Variants in C12orf42 observed in about 807,000 individuals in gnomAD.
C12orf42 encodes the protein uncharacterized protein C12orf42.
C12orf42 carries 25 observed loss-of-function variants against 21.6 expected under a neutral mutation model. The observed-to-expected ratio is 1.16, with a 90% confidence interval of 0.84 to 1.62. C12orf42 has a LOEUF of 1.62. Ranked by LOEUF, C12orf42 falls within the 40% of genes most tolerant of loss-of-function variation. C12orf42 has a pLI of 0.00. For missense variants in C12orf42, 483 were observed against 459.3 expected, an observed-to-expected ratio of 1.05 and a Z score of -0.47; for synonymous variants, 174 against 175.0, an observed-to-expected ratio of 0.99 and a Z score of 0.05.
At chr12:103,150,280 C>T in the C12orf42 span, among the ~76,000 whole-genome samples, 1 of 152,146 alleles carries the variant, frequency 6.6e-6, no homozygotes, top group Non-Finnish European at 1.5e-5. Context: ...TCCCCTCCAT[C>T]AGGAATCTCA....
the C12orf42 span, among the ~76,000 whole-genome samples, chr12:103,228,323 G>A: frequency 1.4e-5 from 2 of 147,068 alleles, no homozygotes; most frequent in African/African-American, 4.9e-5. Context: ...GGTGCTCAGT[G>A]GGGGTGCTTT....
intron 4 of C12orf42, among the ~76,000 whole-genome samples, chr12:103,329,378 C>T (rs369627513): frequency 6.6e-6 from 1 of 151,974 alleles, no homozygotes; most frequent in African/African-American, 2.4e-5. Context: ...AAGGTCCTGT[C>T]GGTGGGTGGA....
At chr12:103,353,881 C>T (rs1454689302) in intron 4 of C12orf42, among the ~76,000 whole-genome samples, 1 of 152,076 alleles carries the variant, frequency 6.6e-6, no homozygotes, top group Non-Finnish European at 1.5e-5. Context: ...AGGTTTCTCA[C>T]AAGCTTTAGT....
At chr12:103,246,450 G>A (rs1160590590) in intron 10 of C12orf42, among the ~76,000 whole-genome samples, 1 of 151,930 alleles carries the variant, frequency 6.6e-6, no homozygotes, top group Non-Finnish European at 1.5e-5. Flanking sequence ...TAAAGGATTT[G>A]GAAGAATACC....
At chr12:103,298,546 A>T (rs2037450420), downstream of C12orf42, among the ~76,000 whole-genome samples, 1 of 152,194 alleles carries the variant, frequency 6.6e-6, no homozygotes, top group Admixed American at 6.5e-5. Flanking sequence ...TAATTTATAG[A>T]TTCAATGCCA....
At chr12:103,512,042 G>A in the C12orf42 span, among the ~76,000 whole-genome samples, 1 of 152,202 alleles carries the variant, frequency 6.6e-6, no homozygotes, top group East Asian at 1.9e-4. Flanking sequence ...TTGCTCCTTG[G>A]GAGTCTTGGT....
chr12:103,273,812 A>C, intron 5 of C12orf42: 1 of 456,322 alleles, frequency 2.2e-6, no homozygotes, highest in South Asian at 1.5e-5. Flanking sequence ...CATGGGTCTG[A>C]GTCAGCGTTA....
At chr12:103,076,118 AC>A in the C12orf42 span, among the ~76,000 whole-genome samples, 1 of 152,088 alleles carries the variant, frequency 6.6e-6, no homozygotes, top group East Asian at 1.9e-4. Context: ...TAGAAGAAAT[AC>A]CTAATGCTAT....
intron 4 of C12orf42, among the ~76,000 whole-genome samples, chr12:103,286,939 CAA>C (rs34697864): frequency 2.2e-5 from 3 of 134,250 alleles, no homozygotes; most frequent in Non-Finnish European, 1.7e-5. Flanking sequence ...GACTCCGTCT[CAA>C]AAAAAAAAAA....
chr12:103,113,558 G>A, the C12orf42 span, among the ~76,000 whole-genome samples: 2 of 149,140 alleles, frequency 1.3e-5, no homozygotes, highest in Admixed American at 1.3e-4. Flanking sequence ...AGACATTTTG[G>A]GTTGTTACAA....
intron 4 of C12orf42, among the ~76,000 whole-genome samples, chr12:103,315,842 G>A (rs916914782): frequency 6.6e-5 from 10 of 151,816 alleles, no homozygotes; most frequent in African/African-American, 2.4e-4. Flanking sequence ...TTTGAACATC[G>A]CTAAGAGGGT....
the C12orf42 span, among the ~76,000 whole-genome samples, chr12:103,116,877 G>A: frequency 6.6e-6 from 1 of 152,098 alleles, no homozygotes; most frequent in Non-Finnish European, 1.5e-5. Flanking sequence ...ATCTAGGTTT[G>A]CCTAATCTTT....
chr12:103,435,996 A>G (rs1950671824), intron 2 of C12orf42, among the ~76,000 whole-genome samples: 1 of 151,458 alleles, frequency 6.6e-6, no homozygotes, highest in Non-Finnish European at 1.5e-5. Flanking sequence ...AAGGGCAGCC[A>G]GAGAGAAAGG....
chr12:103,448,796 GTGTGGA>G (rs1951741961), intron 2 of C12orf42, among the ~76,000 whole-genome samples: 1 of 151,838 alleles, frequency 6.6e-6, no homozygotes, highest in Non-Finnish European at 1.5e-5. Context: ...ATAGATGTTG[GTGTGGA>G]TGTGGTAAAA....
the C12orf42 span, among the ~76,000 whole-genome samples, chr12:103,164,064 G>T: frequency 6.6e-6 from 1 of 152,184 alleles, no homozygotes; most frequent in Non-Finnish European, 1.5e-5. Flanking sequence ...TAAGCCCAGT[G>T]TTGTATGCTC....
chr12:103,467,937 G>C (rs1169471296), intron 2 of C12orf42, among the ~76,000 whole-genome samples: 1 of 152,032 alleles, frequency 6.6e-6, no homozygotes, highest in African/African-American at 2.4e-5. Context: ...ATGCAGATTA[G>C]AAAACAACCA....
the C12orf42 span, among the ~76,000 whole-genome samples, chr12:103,218,940 G>T: frequency 5.3e-5 from 8 of 152,180 alleles, no homozygotes; most frequent in Non-Finnish European, 1.0e-4. Context: ...ATTCCCTCAG[G>T]TGTCTACACC....
At position 103,375,655 on chromosome 12, in the gene C12orf42, G is replaced by A. The variant is rs148005836; in HGVS notation, c.148-6657C>T. Among the ~76,000 whole-genome samples, 745 of 152,168 alleles carry A rather than the reference G, an allele frequency of 4.9e-3. 11 individuals carry two copies. The highest frequency in any genetic ancestry group is 0.017 in the African/African-American group (703 of 41,512). Reference sequence around the variant, plus strand: ...AGCTTGTAGGTTCAGATTGTCATTCGTGTATTGCTATTACCCCATTATATT... The same window carrying A: ...AGCTTGTAGGTTCAGATTGTCATTCATGTATTGCTATTACCCCATTATATT... On this transcript the variant is annotated intron_variant, in intron 3 of 5. Coordinates refer to ENST00000548883, the MANE Select transcript of C12orf42 (RefSeq NM_198521.5).
intron 4 of C12orf42, among the ~76,000 whole-genome samples, chr12:103,279,487 A>G (rs1049710239): frequency 1.3e-5 from 2 of 152,244 alleles, no homozygotes; most frequent in African/African-American, 4.8e-5. Context: ...AAGCAAAAAT[A>G]TAGGCAATGT....
Sources: allele counts gnomAD v4.1 joint callset (sites outside exome capture counted in the v4.1 genomes callset), GRCh38; gene constraint gnomAD v4.1.1; transcripts MANE v1.5; gene names NCBI Gene and HGNC (gene_info 2026-07-23, HGNC 2026-07-21).